THADA: variants seen among roughly 807,000 people sequenced by gnomAD.
The protein encoded by THADA is THADA armadillo repeat containing, also known as tRNA (32-2'-O)-methyltransferase regulator THADA.
A neutral mutation model predicts 219.8 loss-of-function variants in THADA; 213 were observed. The observed-to-expected ratio is 0.97, with a 90% CI of 0.87 to 1.09. The LOEUF (loss-of-function observed/expected upper bound fraction) is 1.09, where lower values mean the gene tolerates loss of function less well. Among genes scored for constraint, THADA ranks in the 50% least tolerant of loss-of-function variants. The pLI is 0.00. For missense variants in THADA, 2,956 were observed against 2,311.3 expected (o/e 1.28, Z -5.72); for synonymous variants, 1,018 against 828.9 (o/e 1.23, Z -3.92).
chr2:43,568,107 G>A (rs776569530), intron 14 of THADA, among the ~76,000 whole-genome samples: 1 of 152,164 alleles, frequency 6.6e-6, no homozygotes, highest in Non-Finnish European at 1.5e-5. Flanking sequence ...CTTACTAGCT[G>A]AGGAACCTTA....
chr2:43,514,865 AT>A lies in THADA; in HGVS notation c.3375-6086del, dbSNP rs1286369783. On this transcript the variant is annotated intron_variant, in intron 22 of 37. Transcript: ENST00000405975. ...ATATATAATAATATGTACAATATAT[AT>A]TTTATGTATAATATGTATAATATAT... 3.6e-5 allele frequency among the ~76,000 whole-genome samples: 3 copies of A among 84,460 alleles called. 1 individual carries two copies. Among genetic ancestry groups the A allele is most frequent in the African/African-American group, 5.1e-5 (1 of 19,468 alleles). The allele number at this position is 84,460 out of a possible 152,430, so 55.4% of individuals were successfully genotyped here. A position where few individuals can be genotyped will look rare whatever the true frequency, so the allele number is the denominator to read the frequency against.
chr2:43,320,539 G>C lies in THADA; in HGVS notation c.4345C>G (p.Gln1449Glu), dbSNP rs1010599811. The C allele has an allele frequency of 6.2e-6, 10 of 1,609,076 alleles. No homozygotes were observed. The highest frequency in any genetic ancestry group is 8.5e-6 in the Non-Finnish European group (10 of 1,177,264). The change falls in exon 31 of 38, where the codon CAA (glutamine) becomes GAA (glutamate). Residue 1449 changes from glutamine (Q) to glutamate (E), a missense_variant and splice_region_variant. Gln to Glu is a conservative substitution (Grantham distance 29). Transcript: ENST00000405975. Reference sequence around the variant, plus strand: ...GCTCTGGTCACCAAACATGGATTTTGCCTAGAAAGGTAAAGAACAGAATAT... The same window carrying C: ...GCTCTGGTCACCAAACATGGATTTTCCCTAGAAAGGTAAAGAACAGAATAT... ...TKAKLWLAKR[Q>E]NPCLVTRAVY... is the part of the protein sequence containing the mutation.
At chr2:43,365,764 G>A (rs1273606782) in intron 29 of THADA, among the ~76,000 whole-genome samples, 2 of 152,160 alleles carry the variant, frequency 1.3e-5, no homozygotes, top group East Asian at 3.8e-4. Context: ...TGATCCCCAG[G>A]TTCCTCTTGA....
chr2:43,413,554 A>T (rs1676565004), intron 28 of THADA, among the ~76,000 whole-genome samples: 1 of 152,246 alleles, frequency 6.6e-6, no homozygotes, highest in Non-Finnish European at 1.5e-5. Flanking sequence ...GGAACATATC[A>T]ATATCACTAT....
chr2:43,384,135 C>G (rs1672359440), intron 29 of THADA, among the ~76,000 whole-genome samples: 1 of 152,130 alleles, frequency 6.6e-6, no homozygotes, highest in African/African-American at 2.4e-5. Flanking sequence ...TACTCATGCT[C>G]TCATTCGGGA....
rs200036949 is a variant in THADA, at chr2:43,245,172, CTTT to C, written c.5297-12293_5297-12291del. 2.2e-4 allele frequency among the ~76,000 whole-genome samples: 23 copies of C among 103,082 alleles called. 1 individual carries two copies. In the East Asian group the frequency reaches 3.6e-3, roughly 16 times the overall value. The allele number at this position is 103,082 out of a possible 152,430, so 67.6% of individuals were successfully genotyped here. ...TACTGGAGCTTCTTTCTTTCTTCTTCTTTTTTTTTTTTTTTTTTGAGACGGAGT... is the reference window on the plus strand; with the variant it reads ...TACTGGAGCTTCTTTCTTTCTTCTTCTTTTTTTTTTTTTTTGAGACGGAGT... On this transcript the variant is annotated intron_variant, in intron 36 of 37. Transcript: ENST00000405975.
chr2:43,386,998 T>C (rs1228224289), intron 29 of THADA, among the ~76,000 whole-genome samples: 1 of 151,938 alleles, frequency 6.6e-6, no homozygotes, highest in Non-Finnish European at 1.5e-5. Context: ...AATCTGGGAA[T>C]ATGGACAAAG....
chr2:43,316,636 AATG>A (rs1367917914), intron 31 of THADA, among the ~76,000 whole-genome samples: 1 of 152,290 alleles, frequency 6.6e-6, no homozygotes, highest in Non-Finnish European at 1.5e-5. Flanking sequence ...AGCGAATAAT[AATG>A]ATAATAGGCT....
intron 28 of THADA, among the ~76,000 whole-genome samples, chr2:43,400,487 A>ATATAT (rs1177742724): frequency 6.2e-5 from 9 of 145,410 alleles, no homozygotes; most frequent in Non-Finnish European, 1.2e-4. Flanking sequence ...AAATATATAC[A>ATATAT]CTAAGAAAAA....
intron 29 of THADA, among the ~76,000 whole-genome samples, chr2:43,381,121 A>AAG (rs1671971404): frequency 4.0e-5 from 6 of 148,302 alleles, no homozygotes; most frequent in Non-Finnish European, 9.0e-5. Flanking sequence ...AAAAAAAAAA[A>AAG]GGAAGAAAAA....
intron 11 of THADA, 137 bp downstream of exon 11, chr2:43,574,199 A>C: frequency 1.4e-6 from 1 of 700,136 alleles, no homozygotes; most frequent in Non-Finnish European, 2.2e-6. Flanking sequence ...TTTCAAACTG[A>C]AACATCTATC....
At chr2:43,431,361 T>G (rs1343429371) in intron 26 of THADA, among the ~76,000 whole-genome samples, 3 of 152,166 alleles carry the variant, frequency 2.0e-5, no homozygotes, top group African/African-American at 7.2e-5. Flanking sequence ...CCCATGCCCC[T>G]TCCCAGCAAA....
chr2:43,568,422 T>C (rs751380239), intron 14 of THADA, among the ~76,000 whole-genome samples: 2 of 152,132 alleles, frequency 1.3e-5, no homozygotes, highest in Non-Finnish European at 2.9e-5. Flanking sequence ...ATTATAACAA[T>C]ATAGTGCCAA....
At chr2:43,261,539 C>A (rs951500919) in intron 36 of THADA, among the ~76,000 whole-genome samples, 3 of 152,044 alleles carry the variant, frequency 2.0e-5, no homozygotes, top group Non-Finnish European at 4.4e-5. Flanking sequence ...TGGCTCACTG[C>A]AACCTCTGCC....
chr2:43,447,637 C>A (rs772574379), intron 26 of THADA, among the ~76,000 whole-genome samples: 2 of 152,172 alleles, frequency 1.3e-5, no homozygotes, highest in Non-Finnish European at 2.9e-5. Flanking sequence ...CCAAGCAAAT[C>A]AGAGTCAAGG....
intron 26 of THADA, among the ~76,000 whole-genome samples, chr2:43,432,457 T>A (rs1443491549): frequency 6.6e-6 from 1 of 151,894 alleles, no homozygotes; most frequent in African/African-American, 2.4e-5. Context: ...ATGGGTTCTT[T>A]ACCTTTTTTT....
intron 8 of THADA, among the ~76,000 whole-genome samples, 167 bp downstream of exon 8, chr2:43,581,574 A>C (rs1700460582): frequency 6.6e-6 from 1 of 151,506 alleles, no homozygotes; most frequent in African/African-American, 2.4e-5. Flanking sequence ...GAAAAAAAAA[A>C]AAAACCATGT....
chr2:43,395,329 G>A (rs998844499), intron 29 of THADA, among the ~76,000 whole-genome samples: 7 of 152,194 alleles, frequency 4.6e-5, no homozygotes, highest in African/African-American at 7.2e-5. Flanking sequence ...AGCAGAGTCT[G>A]ACACAATCAA....
intron 27 of THADA, among the ~76,000 whole-genome samples, chr2:43,429,889 C>G (rs1164075058): frequency 6.7e-6 from 1 of 150,372 alleles, no homozygotes; most frequent in East Asian, 1.9e-4. Flanking sequence ...AGCAGTCTGA[C>G]CGTGCACAGT....
Sources: allele counts gnomAD v4.1 joint callset (sites outside exome capture counted in the v4.1 genomes callset), GRCh38; gene constraint gnomAD v4.1.1; transcripts MANE v1.5; gene names NCBI Gene and HGNC (gene_info 2026-07-23, HGNC 2026-07-21).